Variants in RAD50 observed in about 807,000 individuals in gnomAD.
The protein encoded by RAD50 is DNA repair protein RAD50.
A neutral mutation model predicts 168.8 loss-of-function variants in RAD50; 132 were observed. That is an observed-to-expected ratio of 0.78 (90% CI 0.68 to 0.90). The LOEUF is 0.90. Ranked by LOEUF, RAD50 falls within the 40% of genes least tolerant of loss-of-function variation. The pLI, the probability that RAD50 is intolerant of heterozygous loss-of-function variation, is 0.00. For synonymous variants in RAD50, 525 were observed against 497.4 expected (o/e 1.06, Z -0.74); for missense variants, 1,347 against 1,534.4 (o/e 0.88, Z 2.04).
chr5:132,569,095 A>G (rs1750258213), intron 2 of RAD50, among the ~76,000 whole-genome samples: 2 of 152,234 alleles, frequency 1.3e-5, no homozygotes, highest in East Asian at 1.9e-4. Flanking sequence ...AATAGGACCC[A>G]TAATCAGAGA....
chr5:132,583,694 T>C (rs1382154953), intron 5 of RAD50, among the ~76,000 whole-genome samples: 198 of 148,796 alleles, frequency 1.3e-3, no homozygotes, highest in African/African-American at 4.8e-3. Context: ...TCATTCCTTT[T>C]TTTTTTTTTT....
At position 132,595,760 on chromosome 5, in the gene RAD50, A is replaced by T. The variant is rs876660158; in HGVS notation, c.2157A>T (p.Leu719=). The part of the protein sequence containing the change: ...PDKLKSTESE[L]KKKEKRRDEM... ...AACTCAAGTCAACAGAATCAGAGCT[A>T]AAAAAAAAGGAAAAGCGGCGTGATG... The change falls in exon 13 of 25, where the codon CTA becomes CTT. Residue 719 remains leucine, a synonymous_variant. Transcript: ENST00000378823. 8.9e-6 allele frequency: 14 copies of T among 1,576,214 alleles called. No homozygotes were observed. Among genetic ancestry groups the T allele is most frequent in the Non-Finnish European group, 1.1e-5 (13 of 1,154,072 alleles).
chr5:132,578,233 A>G (rs917358946), intron 3 of RAD50, among the ~76,000 whole-genome samples: 2 of 152,196 alleles, frequency 1.3e-5, no homozygotes, highest in Non-Finnish European at 1.5e-5. Context: ...ACTTGGTCTT[A>G]TGGTATACCT....
At chr5:132,570,968 A>C (rs1261858357) in intron 2 of RAD50, among the ~76,000 whole-genome samples, 1 of 152,138 alleles carries the variant, frequency 6.6e-6, no homozygotes, top group Non-Finnish European at 1.5e-5. Flanking sequence ...AGGGTTACTA[A>C]TTGGCCTAAT....
chr5:132,576,391 A>G (rs1208803927), intron 3 of RAD50, among the ~76,000 whole-genome samples: 1 of 152,242 alleles, frequency 6.6e-6, no homozygotes, highest in Non-Finnish European at 1.5e-5. Flanking sequence ...AACCATTATC[A>G]TTCTGTTAGA....
intron 2 of RAD50, among the ~76,000 whole-genome samples, chr5:132,572,455 G>T (rs1340477640): frequency 6.6e-6 from 1 of 152,118 alleles, no homozygotes; most frequent in Non-Finnish European, 1.5e-5. Context: ...AGGAATAACA[G>T]TGTTTTTATA....
intron 13 of RAD50, 145 bp from the exon 14 acceptor site, chr5:132,603,155 T>A: frequency 1.3e-6 from 1 of 751,782 alleles, no homozygotes; most frequent in South Asian, 1.8e-5. Flanking sequence ...TAAGACATAT[T>A]GATATCATGA....
At chr5:132,618,854 T>C (rs113774415) in intron 21 of RAD50, among the ~76,000 whole-genome samples, 3,085 of 152,310 alleles carry the variant, frequency 0.02, 94 homozygotes, top group African/African-American at 0.065. Context: ...TTATCACTGA[T>C]TGGCATCCAC....
In RAD50 at chr5:132,609,295, G is replaced by T. The variant is rs1751042653; in HGVS notation, c.2935G>T (p.Glu979Ter). ...KDDYKKQKET[E>*]LNKVIAQLSE... is the part of the protein sequence containing the mutation. Reference sequence around the variant, plus strand: ...TTCTTTTTTGTAGCAAAAAGAAACTGAACTTAATAAAGTAATAGCTCAACT... The same window carrying T: ...TTCTTTTTTGTAGCAAAAAGAAACTTAACTTAATAAAGTAATAGCTCAACT... The change falls in exon 19 of 25, where the codon GAA becomes TAA. Residue 979 changes from glutamate (E) to a stop codon, truncating the protein, a stop_gained. Transcript: ENST00000378823. LOFTEE classifies it high-confidence loss of function. 1 of 1,612,048 alleles carries T rather than the reference G, an allele frequency of 6.2e-7. No individual in the cohort carries two copies. Among genetic ancestry groups the T allele is most frequent in the South Asian group, 1.1e-5 (1 of 90,244 alleles).
intron 19 of RAD50, among the ~76,000 whole-genome samples, chr5:132,610,662 A>G (rs1313985523): frequency 6.6e-6 from 1 of 152,208 alleles, no homozygotes; most frequent in African/African-American, 2.4e-5. Context: ...AATATATGAA[A>G]TATCAGTCAA....
intron 2 of RAD50, 43 bp from the exon 3 acceptor site, chr5:132,575,734 C>G (rs1287730868): frequency 6.5e-7 from 1 of 1,535,360 alleles, no homozygotes; most frequent in South Asian, 1.1e-5. Flanking sequence ...AACACTGGTG[C>G]TTATTAAAGT....
chr5:132,602,754 T>C (rs931265047), intron 13 of RAD50, among the ~76,000 whole-genome samples: 3 of 152,172 alleles, frequency 2.0e-5, no homozygotes, highest in African/African-American at 4.8e-5. Flanking sequence ...ATATCGAATT[T>C]AGCAGTTTTT....
In RAD50 at chr5:132,629,508, G is replaced by A. The variant is rs187961131; in HGVS notation, c.3390-7607G>A. On this transcript the variant is annotated intron_variant, in intron 21 of 24. Transcript: ENST00000378823. The stretch of plus-strand genomic sequence containing the variant: ...GCTTGTTAAGGAACAAAGCCAGGCT[G>A]TTTACTGAGTTCTCTTACCTGGTAC... Among the ~76,000 whole-genome samples, 151 of 152,288 alleles carry A rather than the reference G, an allele frequency of 9.9e-4. 4 individuals are homozygous for A. Among genetic ancestry groups the A allele is most frequent in the Admixed American group, 9.7e-3 (149 of 15,292 alleles).
At chr5:132,587,798 T>A in intron 6 of RAD50, 108 bp downstream of exon 6, 1 of 1,551,418 alleles carries the variant, frequency 6.4e-7, no homozygotes, top group South Asian at 1.1e-5. Flanking sequence ...AATACAGATC[T>A]TGTTACTTCT....
At chr5:132,571,492 G>A (rs1459038406) in intron 2 of RAD50, among the ~76,000 whole-genome samples, 1 of 152,138 alleles carries the variant, frequency 6.6e-6, no homozygotes, top group African/African-American at 2.4e-5. Context: ...GTGAAGCTAG[G>A]AGATACACCT....
intron 19 of RAD50, among the ~76,000 whole-genome samples, chr5:132,613,583 T>C (rs1361994146): frequency 4.0e-5 from 6 of 150,774 alleles, no homozygotes; most frequent in Non-Finnish European, 2.9e-5. Context: ...TCCTTTAATC[T>C]TCACAATAGT....
intron 21 of RAD50, among the ~76,000 whole-genome samples, chr5:132,634,126 G>C (rs911342669): frequency 3.9e-5 from 6 of 151,962 alleles, no homozygotes; most frequent in Admixed American, 3.9e-4. Flanking sequence ...TGGGGTTTCT[G>C]TTTGGATTGC....
chr5:132,642,125 A>C, intron 24 of RAD50, 53 bp from the exon 25 acceptor site: 1 of 1,573,396 alleles, frequency 6.4e-7, no homozygotes, highest in Non-Finnish European at 8.7e-7. Flanking sequence ...TTTTCAAATC[A>C]AAGAAGGGGT....
intron 2 of RAD50, among the ~76,000 whole-genome samples, chr5:132,569,956 G>T (rs1172948673): frequency 6.6e-6 from 1 of 152,164 alleles, no homozygotes; most frequent in Non-Finnish European, 1.5e-5. Flanking sequence ...AATATGTGGG[G>T]TGCAGCTAGA....
Sources: allele counts gnomAD v4.1 joint callset (sites outside exome capture counted in the v4.1 genomes callset), GRCh38; gene constraint gnomAD v4.1.1; transcripts MANE v1.5; gene names NCBI Gene and HGNC (gene_info 2026-07-23, HGNC 2026-07-21).